MMD2: variants seen among roughly 807,000 people sequenced by gnomAD.
MMD2 encodes the protein monocyte to macrophage differentiation associated 2, also known as monocyte to macrophage differentiation factor 2.
In MMD2, 30 loss-of-function variants were observed where a neutral mutation model predicts 33.5. The observed-to-expected ratio is 0.90, with a 90% CI of 0.67 to 1.22. MMD2 has a LOEUF of 1.22. MMD2 is among the 50% of genes most tolerant of loss of function. The probability of loss-of-function intolerance (pLI) is 0.00; values close to 1 mark genes in which losing one functional copy is unlikely to be tolerated. For missense variants in MMD2, 364 were observed against 325.4 expected (o/e 1.12, Z -0.91); for synonymous variants, 129 against 123.0 (o/e 1.05, Z -0.32).
intron 1 of MMD2, among the ~76,000 whole-genome samples, chr7:4,944,660 T>A (rs532700341): frequency 6.6e-6 from 1 of 151,984 alleles, no homozygotes; most frequent in Non-Finnish European, 1.5e-5. Flanking sequence ...AGAGAGACAG[T>A]CTCTCTGGGT....
chr7:4,903,864 C>T (rs1014954066), downstream of MMD2, among the ~76,000 whole-genome samples: 3 of 152,162 alleles, frequency 2.0e-5, no homozygotes, highest in East Asian at 1.9e-4. Context: ...GCTGGGTCAC[C>T]GGGAACCTCA....
intron 2 of MMD2, 93 bp downstream of exon 2, chr7:4,925,358 A>G (rs1785397377): frequency 9.7e-7 from 1 of 1,035,854 alleles, no homozygotes; most frequent in East Asian, 2.7e-5. Context: ...GGAACAGGCC[A>G]CTTAGGACAT....
At chr7:4,911,635 A>C (rs555489423) in intron 4 of MMD2, among the ~76,000 whole-genome samples, 176 of 150,618 alleles carry the variant, frequency 1.2e-3, no homozygotes, top group Non-Finnish European at 1.7e-3. Flanking sequence ...TATTTTATTT[A>C]TTTTATTTTA....
At chr7:4,919,466 C>A (rs1785219829) in intron 3 of MMD2, among the ~76,000 whole-genome samples, 1 of 150,208 alleles carries the variant, frequency 6.7e-6, no homozygotes, top group Non-Finnish European at 1.5e-5. Flanking sequence ...GTTCCTCAGG[C>A]GGCTGAGGCA....
At chr7:4,928,413 G>C (rs1363600447) in intron 1 of MMD2, among the ~76,000 whole-genome samples, 3 of 151,948 alleles carry the variant, frequency 2.0e-5, no homozygotes, top group African/African-American at 7.3e-5. Context: ...CTGTGTGCTG[G>C]CTCCATGCTA....
At chr7:4,913,332 T>TA (rs1282795032) in intron 4 of MMD2, among the ~76,000 whole-genome samples, 1 of 152,174 alleles carries the variant, frequency 6.6e-6, no homozygotes, top group Non-Finnish European at 1.5e-5. Context: ...AATGGACACT[T>TA]ACAAATTTTG....
At chr7:4,944,432 AG>A (rs1311591956) in intron 1 of MMD2, among the ~76,000 whole-genome samples, 1 of 152,118 alleles carries the variant, frequency 6.6e-6, no homozygotes, top group Non-Finnish European at 1.5e-5. Flanking sequence ...TGGAGCCAAG[AG>A]GCATGACCTG....
At chr7:4,899,368 C>G in the MMD2 span, among the ~76,000 whole-genome samples, 39,038 of 151,802 alleles carry the variant, frequency 0.26, 5,218 homozygotes, top group South Asian at 0.43. Context: ...CAGTAAACTA[C>G]AATCACTGTG....
In MMD2 at chr7:4,945,318, G is replaced by A. The variant is rs1310027161; in HGVS notation, c.47+13653C>T. Reference sequence around the variant, plus strand: ...CAGTCTTGCTCTGTCACCCAGGCTGGAGTGCAGTGGCGTGATCTCGGCTCA... The same window carrying A: ...CAGTCTTGCTCTGTCACCCAGGCTGAAGTGCAGTGGCGTGATCTCGGCTCA... On this transcript the variant is annotated intron_variant, in intron 1 of 6. Transcript: ENST00000401401. Among the ~76,000 whole-genome samples, 5 of 148,470 alleles carry A rather than the reference G, an allele frequency of 3.4e-5. 1 individual carries two copies. In the South Asian group the frequency reaches 1.1e-3, roughly 32 times the overall value.
At position 4,925,435 on chromosome 7, in the gene MMD2, C is replaced by T. The variant is rs751263232; in HGVS notation, c.129+16G>A. On this transcript the variant is annotated intron_variant, in intron 2 of 6. Transcript: ENST00000401401. ...TGTCCCCATCTCAGCCCTGAGCCCC[C>T]CAAAAGCCAACTCACAGCATGGGTG... is the stretch of plus-strand genomic sequence containing the variant. The T allele has an allele frequency of 1.3e-6, 2 of 1,534,760 alleles. No individual in the cohort carries two copies. The highest frequency in any genetic ancestry group is 1.8e-6 in the Non-Finnish European group (2 of 1,138,504).
chr7:4,901,430 C>T (rs1457510025), downstream of MMD2, among the ~76,000 whole-genome samples: 1 of 151,984 alleles, frequency 6.6e-6, no homozygotes, highest in Non-Finnish European at 1.5e-5. Context: ...GACAGAGAAC[C>T]GATCTCAAAA....
chr7:4,933,710 G>C (rs1785657880), intron 1 of MMD2, among the ~76,000 whole-genome samples: 1 of 151,618 alleles, frequency 6.6e-6, no homozygotes, highest in Non-Finnish European at 1.5e-5. Context: ...ATAGCTCACT[G>C]CAGCCTCGCA....
intron 1 of MMD2, among the ~76,000 whole-genome samples, chr7:4,941,867 T>C (rs1465406895): frequency 6.6e-6 from 1 of 151,386 alleles, no homozygotes; most frequent in African/African-American, 2.4e-5. Flanking sequence ...AAAGAGTCCT[T>C]GAGGTGACAA....
intron 1 of MMD2, among the ~76,000 whole-genome samples, chr7:4,943,366 A>C (rs1785964004): frequency 6.6e-6 from 1 of 151,596 alleles, no homozygotes; most frequent in Non-Finnish European, 1.5e-5. Flanking sequence ...GATGATCTCG[A>C]TCTCCCGACC....
downstream of MMD2, among the ~76,000 whole-genome samples, chr7:4,903,337 C>T (rs535555445): frequency 6.6e-6 from 1 of 152,004 alleles, no homozygotes; most frequent in African/African-American, 2.4e-5. Context: ...CTGTGCAAGC[C>T]CCCTGCCCAC....
chr7:4,894,248 C>T, the MMD2 span, among the ~76,000 whole-genome samples: 69 of 152,300 alleles, frequency 4.5e-4, 1 homozygote, highest in South Asian at 1.7e-3. This position sits in a 1 kb window ranked among gnomAD's most constrained non-coding sequence, Gnocchi z 4.3. Context: ...ACGACCTAGC[C>T]GCCATGTTGT....
At chr7:4,937,378 C>CAG (rs772480659) in intron 1 of MMD2, among the ~76,000 whole-genome samples, 2 of 145,196 alleles carry the variant, frequency 1.4e-5, no homozygotes, top group African/African-American at 2.6e-5. Flanking sequence ...GCCTGGGCAA[C>CAG]AGAGAGAGAC....
intron 1 of MMD2, among the ~76,000 whole-genome samples, chr7:4,929,997 T>C (rs185408640): frequency 2.5e-4 from 38 of 151,990 alleles, no homozygotes; most frequent in Non-Finnish European, 3.1e-4. Context: ...GGGCCGGGTA[T>C]GGTGGCTCAC....
At chr7:4,902,244 G>A (rs772184663), downstream of MMD2, among the ~76,000 whole-genome samples, 9 of 152,034 alleles carry the variant, frequency 5.9e-5, no homozygotes, top group East Asian at 1.9e-4. Flanking sequence ...GAGCCACCAC[G>A]CCCCACCAAA....
Sources: gnomAD v4.1 joint callset for allele counts (sites outside exome capture counted in the v4.1 genomes callset) on GRCh38, gnomAD v4.1.1 for gene constraint, Gnocchi (gnomAD v3.1) non-coding constraint, MANE v1.5 for transcripts, NCBI Gene and HGNC (gene_info 2026-07-23, HGNC 2026-07-21) for gene names.